The following NTM variants were observed in gnomAD, a reference collection of about 807,000 sequenced individuals.
NTM encodes IgLON family member 2.
NTM carries 13 observed loss-of-function variants against 42.1 expected under a neutral mutation model. That is an observed-to-expected ratio of 0.31 (90% confidence interval 0.20 to 0.49). The LOEUF (loss-of-function observed/expected upper bound fraction) is 0.49, where lower values mean the gene tolerates loss of function less well. Ranked by LOEUF, NTM falls within the 20% of genes least tolerant of loss-of-function variation. The probability of loss-of-function intolerance (pLI) is 0.99; values close to 1 mark genes in which losing one functional copy is unlikely to be tolerated. For synonymous variants in NTM, 187 were observed against 179.2 expected, an observed-to-expected ratio of 1.04 and a Z score of -0.35; for missense variants, 373 against 452.8, an observed-to-expected ratio of 0.82 and a Z score of 1.60.
intron 1 of NTM, among the ~76,000 whole-genome samples, chr11:131,907,148 G>C (rs571392929): frequency 6.6e-6 from 1 of 152,152 alleles, no homozygotes; most frequent in Non-Finnish European, 1.5e-5. Flanking sequence ...AGCCTTTTTC[G>C]ACGAGGAGAA....
At chr11:131,932,443 T>A (rs1420240753) in intron 2 of NTM, among the ~76,000 whole-genome samples, 1 of 152,186 alleles carries the variant, frequency 6.6e-6, no homozygotes, top group Non-Finnish European at 1.5e-5. Flanking sequence ...AATATATGCT[T>A]TTTTCAACAT....
At chr11:132,309,744 C>T (rs1381696990) in intron 5 of NTM, among the ~76,000 whole-genome samples, 3 of 152,162 alleles carry the variant, frequency 2.0e-5, no homozygotes, top group Non-Finnish European at 4.4e-5. Context: ...ACAAAATCAA[C>T]AAATGAAGCA....
chr11:131,639,878 C>T (rs1415050038), intron 1 of NTM, among the ~76,000 whole-genome samples: 1 of 152,072 alleles, frequency 6.6e-6, no homozygotes, highest in Non-Finnish European at 1.5e-5. Flanking sequence ...ATCACTTGAA[C>T]CCGGGAGGCG....
chr11:132,253,976 T>C (rs1566586575), intron 4 of NTM, among the ~76,000 whole-genome samples: 1 of 152,180 alleles, frequency 6.6e-6, no homozygotes, highest in Admixed American at 6.5e-5. Context: ...ATATGGAGTC[T>C]GGAGAAATGA....
intron 1 of NTM, among the ~76,000 whole-genome samples, chr11:131,733,067 A>G (rs574178453): frequency 6.6e-6 from 1 of 152,280 alleles, no homozygotes; most frequent in South Asian, 2.1e-4. Flanking sequence ...ATAATTTCAG[A>G]TTACCTGATA....
chr11:131,692,303 C>CCTATCTCCCATGCAGATCT (rs2074883337), intron 1 of NTM, among the ~76,000 whole-genome samples: 3 of 151,836 alleles, frequency 2.0e-5, no homozygotes, highest in Non-Finnish European at 4.4e-5. Context: ...ACAGGGCTAG[C>CCTATCTCCCATGCAGATCT]CTATCTCCCA....
intron 1 of NTM, among the ~76,000 whole-genome samples, chr11:131,875,837 G>T (rs909159741): frequency 1.4e-4 from 21 of 152,084 alleles, no homozygotes; most frequent in Non-Finnish European, 8.8e-5. Context: ...GTTTATTCTC[G>T]ATTACTCCCT....
intron 2 of NTM, among the ~76,000 whole-genome samples, chr11:132,044,164 GCT>G (rs796370508): frequency 0.42 from 53,912 of 127,798 alleles, 12,679 homozygotes; most frequent in East Asian, 0.76. Context: ...GTGTGTGTGT[GCT>G]TATGTGCATG....
At chr11:131,786,271 T>A (rs34739883) in intron 1 of NTM, among the ~76,000 whole-genome samples, 1 of 152,200 alleles carries the variant, frequency 6.6e-6, no homozygotes, top group African/African-American at 2.4e-5. Context: ...ATATCTATCT[T>A]TAGACAGACT....
At chr11:132,225,310 T>TAA (rs568067821) in intron 4 of NTM, among the ~76,000 whole-genome samples, 154 of 145,068 alleles carry the variant, frequency 1.1e-3, no homozygotes, top group African/African-American at 3.7e-3. Context: ...GGAGAAAAAT[T>TAA]AAAAAAAAAA....
intron 4 of NTM, among the ~76,000 whole-genome samples, chr11:132,231,631 G>A (rs766059191): frequency 6.6e-6 from 1 of 152,188 alleles, no homozygotes; most frequent in South Asian, 2.1e-4. Flanking sequence ...TATTCAAAAT[G>A]TGATGGTCCA....
At chr11:131,972,230 C>T (rs1199297549) in intron 2 of NTM, among the ~76,000 whole-genome samples, 3 of 151,694 alleles carry the variant, frequency 2.0e-5, no homozygotes, top group Non-Finnish European at 4.4e-5. Flanking sequence ...TACATAAATA[C>T]ATACATACAT....
intron 2 of NTM, among the ~76,000 whole-genome samples, chr11:132,115,415 T>C (rs77717008): frequency 0.024 from 3,674 of 152,306 alleles, 72 homozygotes; most frequent in Middle Eastern, 0.068. Context: ...AACATGAGAT[T>C]GCACAACTTA....
intron 2 of NTM, among the ~76,000 whole-genome samples, chr11:132,000,060 C>G (rs2068886397): frequency 6.6e-6 from 1 of 152,146 alleles, no homozygotes; most frequent in Admixed American, 6.6e-5. Flanking sequence ...TGAACCAAAG[C>G]AACTCTTGGA....
At chr11:132,163,324 A>G (rs1407482239) in intron 3 of NTM, among the ~76,000 whole-genome samples, 2 of 152,152 alleles carry the variant, frequency 1.3e-5, no homozygotes, top group African/African-American at 4.8e-5. Context: ...GTCATGGAAG[A>G]TTGTAAATAT....
intron 1 of NTM, among the ~76,000 whole-genome samples, chr11:131,851,024 G>T (rs1250508919): frequency 6.6e-6 from 1 of 152,002 alleles, no homozygotes; most frequent in Admixed American, 6.6e-5. Flanking sequence ...GCTGAGCTTG[G>T]GCCCTCCTGA....
At chr11:131,601,001 C>T (rs1483039491) in intron 1 of NTM, among the ~76,000 whole-genome samples, 1 of 152,182 alleles carries the variant, frequency 6.6e-6, no homozygotes. Context: ...AGATCATATG[C>T]CCAGTACTGC....
intron 3 of NTM, among the ~76,000 whole-genome samples, chr11:132,163,068 C>T (rs2074661823): frequency 6.6e-6 from 1 of 152,150 alleles, no homozygotes; most frequent in South Asian, 2.1e-4. Context: ...GCCACTCCAC[C>T]AGCCACCTGG....
chr11:131,517,944 C>T (rs1245780363), intron 1 of NTM, among the ~76,000 whole-genome samples: 1 of 152,144 alleles, frequency 6.6e-6, no homozygotes, highest in Non-Finnish European at 1.5e-5. Flanking sequence ...TCCTCATTTA[C>T]ATGGAATGCA....
Sources: gnomAD v4.1 joint callset for allele counts (sites outside exome capture counted in the v4.1 genomes callset) on GRCh38, gnomAD v4.1.1 for gene constraint, MANE v1.5 for transcripts, NCBI Gene and HGNC (gene_info 2026-07-23, HGNC 2026-07-21) for gene names.